Variants in ZNF454 observed in about 807,000 individuals in gnomAD.
ZNF454 encodes the protein zinc finger protein 454.
Under a neutral mutation model 48.2 loss-of-function variants are expected in ZNF454, and 30 were observed. The ratio of observed to expected loss-of-function variants is 0.62; its 90% confidence interval spans 0.47 to 0.84. The LOEUF (loss-of-function observed/expected upper bound fraction) is 0.84. Among genes scored for constraint, ZNF454 ranks in the 40% least tolerant of loss-of-function variants. The pLI, the probability that ZNF454 is intolerant of heterozygous loss-of-function variation, is 0.00. For synonymous variants in ZNF454, 204 were observed against 211.4 expected (o/e 0.97, Z 0.30); for missense variants, 510 against 623.1 (o/e 0.82, Z 1.93).
At chr5:178,951,018 C>A (rs1220846410) in intron 4 of ZNF454, among the ~76,000 whole-genome samples, 9 of 152,020 alleles carry the variant, frequency 5.9e-5, no homozygotes, top group Non-Finnish European at 1.3e-4. Context: ...TGCCACCACG[C>A]CCGGCTAATT....
chr5:178,967,457 T>C (rs1323950314), downstream of ZNF454, among the ~76,000 whole-genome samples: 1 of 152,216 alleles, frequency 6.6e-6, no homozygotes, highest in East Asian at 1.9e-4. Context: ...TCTAGGTTTC[T>C]GGAGGTAGTA....
At chr5:178,987,217 C>T in the ZNF454 span, 1 of 668,162 alleles carries the variant, frequency 1.5e-6, no homozygotes, top group South Asian at 1.5e-5. Context: ...AACCCTTGTG[C>T]ACGGTGGGTG....
rs911334133 is a variant in ZNF454 at position 178,942,771 on chromosome 5, G to A, written c.-21G>A. On this transcript the variant is annotated 5_prime_UTR_variant, in exon 2 of 5. Transcript: ENST00000519564. The stretch of plus-strand genomic sequence containing the variant: ...CATAGCACTTTGCCTGTCCCTAAGA[G>A]GGCTCATCGGAGAAGAAAGAATGGC... 1 of 1,613,986 alleles carries A rather than the reference G, an allele frequency of 6.2e-7. No homozygotes were observed.
At chr5:178,989,795 G>C in the ZNF454 span, 1 of 340,932 alleles carries the variant, frequency 2.9e-6, no homozygotes, top group East Asian at 7.5e-5. Context: ...GCCATCTTGT[G>C]ACTATGAGAC....
Position 178,964,125 on chromosome 5 carries a change from CTT to C in ZNF454, c.251-518_251-517del, listed in dbSNP as rs5873644. ...ACTCAATTCTAACCCAGGCCTGTGA[CTT>C]TTTTTTTTTTTGAGACGGAGTCTCA... On this transcript the variant is annotated intron_variant, in intron 4 of 4. Transcript: ENST00000519564. Among the ~76,000 whole-genome samples, 1,016 of 145,840 alleles carry C rather than the reference CTT, an allele frequency of 7.0e-3. 11 individuals are homozygous for C. Among genetic ancestry groups the C allele is most frequent in the African/African-American group, 0.023 (907 of 40,056 alleles).
chr5:178,949,399 A>G (rs931825335), intron 4 of ZNF454, among the ~76,000 whole-genome samples: 7 of 151,712 alleles, frequency 4.6e-5, no homozygotes, highest in East Asian at 3.9e-4. Context: ...CTGGACTTCA[A>G]TCCTCCTACC....
chr5:178,954,743 C>G (rs1442123451), intron 4 of ZNF454, among the ~76,000 whole-genome samples: 2 of 152,202 alleles, frequency 1.3e-5, no homozygotes, highest in African/African-American at 2.4e-5. Context: ...CAGGGCCTGG[C>G]AGCGACTAAC....
At chr5:178,958,300 C>T (rs1386714292) in intron 4 of ZNF454, among the ~76,000 whole-genome samples, 1 of 152,192 alleles carries the variant, frequency 6.6e-6, no homozygotes, top group Non-Finnish European at 1.5e-5. Flanking sequence ...AACAACTACT[C>T]TGGCAATAGA....
At chr5:178,989,211 A>AG in the ZNF454 span, 6 of 121,716 alleles carry the variant, frequency 4.9e-5, no homozygotes, top group Non-Finnish European at 7.9e-5. Flanking sequence ...CCCCCTCCCC[A>AG]CCCTCACCAC....
Position 178,946,873 on chromosome 5 carries a change from A to AT in ZNF454, c.161-19dup. On this transcript the variant is annotated intron_variant, in intron 3 of 4. Transcript: ENST00000519564. The surrounding 1 kb of genome is among the most constrained non-coding windows in gnomAD (Gnocchi z 4.5). Reference sequence around the variant, plus strand: ...TCTCTCGTATAAACAGATGTGGTTCATTTTTGTCTCCCCTTAAAAACAGGA... The same window carrying AT: ...TCTCTCGTATAAACAGATGTGGTTCATTTTTTGTCTCCCCTTAAAAACAGGA... 6.2e-7 allele frequency: 1 copy of AT among 1,601,136 alleles called. No individual in the cohort carries two copies. The highest frequency in any genetic ancestry group is 8.6e-7 in the Non-Finnish European group (1 of 1,169,390).
chr5:178,985,844 C>T, the ZNF454 span: 18 of 542,722 alleles, frequency 3.3e-5, no homozygotes, highest in African/African-American at 3.0e-4. Flanking sequence ...TCACAGCAAC[C>T]TTCAACTCTT....
At chr5:178,947,738 C>T (rs963901798) in intron 4 of ZNF454, among the ~76,000 whole-genome samples, 1 of 152,136 alleles carries the variant, frequency 6.6e-6, no homozygotes, top group African/African-American at 2.4e-5. Flanking sequence ...TATCCAAGCA[C>T]TGTAGCGTCT....
At chr5:178,952,378 G>A (rs186875746) in intron 4 of ZNF454, among the ~76,000 whole-genome samples, 1 of 152,212 alleles carries the variant, frequency 6.6e-6, no homozygotes, top group African/African-American at 2.4e-5. Context: ...TACTTTCTAC[G>A]ACTTACACAT....
intron 1 of ZNF454, 92 bp from the exon 2 acceptor site, chr5:178,942,593 T>G (rs1344400819): frequency 3.7e-6 from 2 of 543,310 alleles, no homozygotes; most frequent in Admixed American, 6.4e-5. Context: ...CACTCACTGC[T>G]TGGGGTACTG....
At chr5:178,985,515 A>T in the ZNF454 span, 5 of 339,978 alleles carry the variant, frequency 1.5e-5, no homozygotes, top group East Asian at 8.3e-5. Context: ...CATCCTGGCT[A>T]ACACGGTGAA....
chr5:178,978,310 G>A, the ZNF454 span: 1 of 152,266 alleles, frequency 6.6e-6, no homozygotes. Context: ...AGAAGCAACC[G>A]AAGACCTAAG....
chr5:178,963,660 G>A (rs577154076), intron 4 of ZNF454, among the ~76,000 whole-genome samples: 10 of 151,800 alleles, frequency 6.6e-5, no homozygotes, highest in Non-Finnish European at 1.0e-4. Flanking sequence ...CAGCTGCAGC[G>A]TTTATCCTGA....
intron 4 of ZNF454, among the ~76,000 whole-genome samples, chr5:178,952,573 AGTCTTT>A (rs1422760679): frequency 6.6e-6 from 1 of 152,070 alleles, no homozygotes; most frequent in African/African-American, 2.4e-5. Flanking sequence ...AAAATCTATT[AGTCTTT>A]GTCTTTATGA....
the ZNF454 span, chr5:178,986,575 C>T: frequency 3.7e-6 from 6 of 1,607,202 alleles, no homozygotes; most frequent in African/African-American, 1.3e-5. Flanking sequence ...CCTCATGTCC[C>T]CAGGACAGGC....
Sources: gnomAD v4.1 joint callset for allele counts (sites outside exome capture counted in the v4.1 genomes callset) on GRCh38, gnomAD v4.1.1 for gene constraint, Gnocchi (gnomAD v3.1) non-coding constraint, MANE v1.5 for transcripts, NCBI Gene and HGNC (gene_info 2026-07-23, HGNC 2026-07-21) for gene names.